Variants in NAALADL2 observed in about 807,000 individuals in gnomAD.
NAALADL2 encodes the protein inactive N-acetylated-alpha-linked acidic dipeptidase-like protein 2.
A neutral mutation model predicts 87.2 loss-of-function variants in NAALADL2; 76 were observed. The observed-to-expected ratio is 0.87, with a 90% CI of 0.72 to 1.05. The LOEUF is 1.05. NAALADL2 is among the 50% of genes least tolerant of loss of function. NAALADL2 has a pLI of 0.00. For synonymous variants in NAALADL2, 354 were observed against 331.0 expected (o/e 1.07, Z -0.75); for missense variants, 1,089 against 945.8 (o/e 1.15, Z -1.99).
intron 1 of NAALADL2, among the ~76,000 whole-genome samples, chr3:174,903,963 C>T (rs966090896): frequency 6.8e-6 from 1 of 147,610 alleles, no homozygotes; most frequent in South Asian, 2.1e-4. Flanking sequence ...ATATCTATAT[C>T]TATATCTATA....
chr3:175,716,254 A>G (rs1477816882), intron 11 of NAALADL2, among the ~76,000 whole-genome samples: 1 of 144,088 alleles, frequency 6.9e-6, no homozygotes, highest in Non-Finnish European at 1.5e-5. Flanking sequence ...CATATATAAT[A>G]TATGTATATA....
At chr3:175,036,804 CTTT>C (rs10662446) in intron 1 of NAALADL2, among the ~76,000 whole-genome samples, 3 of 117,348 alleles carry the variant, frequency 2.6e-5, no homozygotes, top group Non-Finnish European at 1.7e-5. Context: ...TCCATCTGTT[CTTT>C]TTTTTTTTTT....
intron 1 of NAALADL2, among the ~76,000 whole-genome samples, chr3:174,938,185 C>T (rs1244434012): frequency 2.6e-5 from 4 of 152,078 alleles, no homozygotes; most frequent in Admixed American, 6.6e-5. Context: ...CCACCCTGCA[C>T]TCTCAACTAG....
At chr3:174,932,646 C>T (rs1387644090) in intron 1 of NAALADL2, among the ~76,000 whole-genome samples, 1 of 152,170 alleles carries the variant, frequency 6.6e-6, no homozygotes, top group African/African-American at 2.4e-5. Flanking sequence ...TTAGATGCTC[C>T]GTTGCAATGG....
chr3:175,718,478 A>T lies in NAALADL2; in HGVS notation c.1897-18828A>T, dbSNP rs558054623. The T allele has an allele frequency of 1.3e-4, 204 of 1,584,746 alleles. 2 individuals carry two copies. In the African/African-American group the frequency reaches 2.5e-3, roughly 20 times the overall value. On this transcript the variant is annotated intron_variant, in intron 11 of 13. Coordinates refer to ENST00000454872, the MANE Select transcript of NAALADL2 (RefSeq NM_207015.3). ...TCCACATTCTATTTTAAGGCTGTATATTCGGTTTTCATAAATTGTTCTTGG... is the reference window on the plus strand; with the variant it reads ...TCCACATTCTATTTTAAGGCTGTATTTTCGGTTTTCATAAATTGTTCTTGG...
chr3:175,236,349 T>A (rs1581051044), intron 3 of NAALADL2, among the ~76,000 whole-genome samples: 1 of 151,654 alleles, frequency 6.6e-6, no homozygotes. Context: ...AGTTCGAGAC[T>A]AGCCTGACCA....
At chr3:175,260,086 A>G (rs1750756355) in intron 4 of NAALADL2, among the ~76,000 whole-genome samples, 1 of 152,152 alleles carries the variant, frequency 6.6e-6, no homozygotes, top group Non-Finnish European at 1.5e-5. Context: ...CCAGTATATG[A>G]TGGATTAAAA....
In NAALADL2 at chr3:174,810,715, G is replaced by T. The variant is rs548982427; in HGVS notation, c.-9+72969G>T. 5.8e-3 allele frequency among the ~76,000 whole-genome samples: 883 copies of T among 152,250 alleles called. 2 individuals carry two copies. The highest frequency in any genetic ancestry group is 0.014 in the African/African-American group (566 of 41,544). Reference sequence around the variant, plus strand: ...TAAAAAAGAAAAGCTCATTTTCCGGGTGGAGATTGGGAGGCAACTCAAGCA... The same window carrying T: ...TAAAAAAGAAAAGCTCATTTTCCGGTTGGAGATTGGGAGGCAACTCAAGCA... On this transcript the variant is annotated intron_variant, in intron 3 of 3. Coordinates refer to the NAALADL2 transcript ENST00000434257.
intron 11 of NAALADL2, among the ~76,000 whole-genome samples, chr3:175,632,304 CT>C (rs1560885028): frequency 2.2e-5 from 3 of 139,374 alleles, no homozygotes; most frequent in African/African-American, 2.8e-5. Flanking sequence ...CTCTCTCTCT[CT>C]CTCTCCTACT....
rs868622682 is a variant in NAALADL2 at position 175,324,287 on chromosome 3, C to G, written c.1052C>G (p.Pro351Arg). Residue 351 changes from proline (P) to arginine (R), a missense_variant, in exon 5 of 14, where the codon CCA (proline) becomes CGA (arginine). Coordinates refer to ENST00000454872, the MANE Select transcript of NAALADL2 (RefSeq NM_207015.3). ...SHDTFMVSLN[P>R]GGDPSTPGYP... is the part of the protein sequence containing the mutation. ...GATACCTTCATGGTGTCACTGAATC[C>G]AGGAGGAGACCCTTCTACGCCTGGT... is the stretch of plus-strand genomic sequence containing the variant. 1.9e-6 allele frequency: 3 copies of G among 1,613,346 alleles called. No homozygotes were observed. In the Middle Eastern group the frequency reaches 5.0e-4, roughly 266 times the overall value.
intron 2 of NAALADL2, among the ~76,000 whole-genome samples, chr3:174,704,663 G>A (rs1729888237): frequency 6.6e-6 from 1 of 151,418 alleles, no homozygotes; most frequent in Admixed American, 6.6e-5. Context: ...CATATATACA[G>A]GCAGATACAT....
chr3:174,906,924 CTTA>C (rs1733050921), intron 1 of NAALADL2, among the ~76,000 whole-genome samples: 1 of 152,000 alleles, frequency 6.6e-6, no homozygotes, highest in Non-Finnish European at 1.5e-5. Context: ...AATCTTTCTT[CTTA>C]TATAATTTTA....
intron 1 of NAALADL2, among the ~76,000 whole-genome samples, chr3:174,926,083 A>C (rs1735982330): frequency 6.6e-6 from 1 of 152,194 alleles, no homozygotes; most frequent in Admixed American, 6.6e-5. Context: ...TAGCCGATTC[A>C]ATCAAGTGGA....
chr3:175,132,142 C>T lies in NAALADL2; in HGVS notation c.545+34851C>T, dbSNP rs569464373. The stretch of plus-strand genomic sequence containing the variant: ...CGGCTGGCCGGGCGGGGGGCTGACC[C>T]CCCCACCTCCCTCCCGGACGGGGCA... On this transcript the variant is annotated intron_variant, in intron 2 of 13. Transcript: ENST00000454872. Among the ~76,000 whole-genome samples the T allele has an allele frequency of 6.9e-5, 9 of 130,202 alleles. No individual in the cohort carries two copies. In the South Asian group the frequency reaches 2.2e-3, roughly 33 times the overall value. The allele number at this position is 130,202 out of a possible 152,430, so 85.4% of individuals were successfully genotyped here. A position where few individuals can be genotyped will look rare whatever the true frequency, so the allele number is the denominator to read the frequency against.
intron 11 of NAALADL2, among the ~76,000 whole-genome samples, chr3:175,732,289 A>G (rs1486264231): frequency 6.6e-6 from 1 of 152,212 alleles, no homozygotes; most frequent in Non-Finnish European, 1.5e-5. Context: ...AGGATTACGC[A>G]ATAACTCAAT....
At chr3:175,355,365 C>G (rs112065114) in intron 5 of NAALADL2, among the ~76,000 whole-genome samples, 3 of 152,212 alleles carry the variant, frequency 2.0e-5, no homozygotes, top group African/African-American at 7.2e-5. Context: ...ACACCGCGCC[C>G]AGCCACAGCA....
At chr3:175,794,142 G>A (rs1161574712) in intron 13 of NAALADL2, among the ~76,000 whole-genome samples, 2 of 152,256 alleles carry the variant, frequency 1.3e-5, no homozygotes, top group South Asian at 2.1e-4. Flanking sequence ...CAGATGAAAC[G>A]AAATGCATCT....
chr3:174,984,096 A>G (rs1040006152), intron 1 of NAALADL2, among the ~76,000 whole-genome samples: 12 of 150,486 alleles, frequency 8.0e-5, no homozygotes, highest in Non-Finnish European at 1.8e-4. Context: ...ATTATAAAGA[A>G]GCGCTTGAGA....
chr3:174,442,884 G>C (rs1047985357), intron 1 of NAALADL2, among the ~76,000 whole-genome samples: 2 of 152,208 alleles, frequency 1.3e-5, no homozygotes, highest in African/African-American at 4.8e-5. Context: ...AAGCAGTTGA[G>C]GGAGTAAGCC....
Sources: allele counts gnomAD v4.1 joint callset (sites outside exome capture counted in the v4.1 genomes callset), GRCh38; gene constraint gnomAD v4.1.1; transcripts MANE v1.5; gene names NCBI Gene and HGNC (gene_info 2026-07-23, HGNC 2026-07-21).